The following DCUN1D1 variants were observed in gnomAD, a reference collection of about 807,000 sequenced individuals.
DCUN1D1 encodes DCN1-like protein 1.
Under a neutral mutation model 39.0 loss-of-function variants are expected in DCUN1D1, and 3 were observed. The ratio of observed to expected loss-of-function variants is 0.08; its 90% CI spans 0.04 to 0.20. The LOEUF is 0.20. DCUN1D1 is among the 10% of genes least tolerant of loss of function. DCUN1D1 has a pLI of 1.00. For synonymous variants in DCUN1D1, 82 were observed against 96.3 expected, an observed-to-expected ratio of 0.85 and a Z score of 0.87; for missense variants, 158 against 302.4, an observed-to-expected ratio of 0.52 and a Z score of 3.54.
In DCUN1D1 at chr3:182,941,472, T is replaced by G. The variant is rs749083161; in HGVS notation, c.*3622A>C. 6.6e-6 allele frequency: 1 copy of G among 152,128 alleles called. No homozygotes were observed. Among genetic ancestry groups the G allele is most frequent in the Non-Finnish European group, 1.5e-5 (1 of 67,964 alleles). The allele number at this position is 152,128 out of a possible 1,614,324, so 9.4% of individuals were successfully genotyped here. A position where few individuals can be genotyped will look rare whatever the true frequency, so the allele number is the denominator to read the frequency against. ...TACTCATTTATAATCAATTAAATGA[T>G]GAGTCATAATTTGAACCCTAATTAT... On this transcript the variant is annotated 3_prime_UTR_variant, in exon 7 of 7. Coordinates refer to ENST00000292782, the MANE Select transcript of DCUN1D1 (RefSeq NM_020640.4).
At chr3:182,962,669 C>A (rs1339635190) in intron 3 of DCUN1D1, among the ~76,000 whole-genome samples, 1 of 152,206 alleles carries the variant, frequency 6.6e-6, no homozygotes, top group Non-Finnish European at 1.5e-5. Flanking sequence ...GAGGTGGTAG[C>A]AGCTTACTGC....
chr3:182,978,051 AAAC>A (rs1553845948), intron 1 of DCUN1D1, among the ~76,000 whole-genome samples: 9 of 151,424 alleles, frequency 5.9e-5, no homozygotes, highest in African/African-American at 1.7e-4. Flanking sequence ...AAAAAAAAAA[AAAC>A]AACAACAACA....
At chr3:182,981,224 A>C (rs1728536837), upstream of DCUN1D1, among the ~76,000 whole-genome samples, 1 of 152,000 alleles carries the variant, frequency 6.6e-6, no homozygotes, top group Non-Finnish European at 1.5e-5. Flanking sequence ...GGTGGGGTGC[A>C]CTGAGACCCA....
intron 1 of DCUN1D1, among the ~76,000 whole-genome samples, chr3:182,976,006 A>G (rs894039845): frequency 6.6e-6 from 1 of 152,174 alleles, no homozygotes; most frequent in African/African-American, 2.4e-5. Context: ...AGTTTTCTGC[A>G]TATAGTCACT....
chr3:182,968,605 CTT>C (rs953091292), intron 1 of DCUN1D1, among the ~76,000 whole-genome samples: 3 of 145,706 alleles, frequency 2.1e-5, no homozygotes, highest in Non-Finnish European at 3.0e-5. Context: ...TAAATGTAAA[CTT>C]TTTTTTTTTT....
At chr3:182,972,725 G>A (rs180869814) in intron 1 of DCUN1D1, among the ~76,000 whole-genome samples, 1 of 152,088 alleles carries the variant, frequency 6.6e-6, no homozygotes, top group Admixed American at 6.6e-5. Context: ...AAACAACAGT[G>A]CAACACCCAG....
chr3:182,971,918 A>G (rs1727959243), intron 1 of DCUN1D1, among the ~76,000 whole-genome samples: 1 of 152,204 alleles, frequency 6.6e-6, no homozygotes, highest in Non-Finnish European at 1.5e-5. Flanking sequence ...ACTGTGAGCA[A>G]TATTTCTTCA....
chr3:182,964,790 G>A (rs1300340664), intron 2 of DCUN1D1, among the ~76,000 whole-genome samples: 2 of 151,860 alleles, frequency 1.3e-5, no homozygotes, highest in Non-Finnish European at 2.9e-5. Flanking sequence ...ACAGGCACAC[G>A]CCACCACGCC....
upstream of DCUN1D1, among the ~76,000 whole-genome samples, chr3:182,981,249 G>A (rs1728538764): frequency 6.6e-6 from 1 of 152,146 alleles, no homozygotes; most frequent in African/African-American, 2.4e-5. Context: ...CGGGCTGCGG[G>A]AGTCCAGGTT....
At chr3:182,967,128 C>CTATATATATATATATATATATATA (rs60339329) in intron 1 of DCUN1D1, among the ~76,000 whole-genome samples, 27 of 143,570 alleles carry the variant, frequency 1.9e-4, no homozygotes, top group African/African-American at 6.8e-4. Flanking sequence ...AACAAAAAAA[C>CTATATATATATATATATATATATA]TATATATATA....
chr3:182,952,760 T>C (rs1406992323), intron 4 of DCUN1D1, among the ~76,000 whole-genome samples: 1 of 152,192 alleles, frequency 6.6e-6, no homozygotes, highest in Non-Finnish European at 1.5e-5. Flanking sequence ...TTCCTCATCA[T>C]ACACAACCAA....
Position 182,960,703 on chromosome 3 carries a change from C to A in DCUN1D1, c.520+523G>T, listed in dbSNP as rs187619691. Among the ~76,000 whole-genome samples the A allele has an allele frequency of 1.1e-4, 16 of 152,276 alleles. No individual in the cohort carries two copies. The East Asian group carries it at 2.9e-3, about 27-fold the overall frequency. On this transcript the variant is annotated intron_variant, in intron 4 of 6. Coordinates refer to ENST00000292782, the MANE Select transcript of DCUN1D1 (RefSeq NM_020640.4). ...CATATCCCCTTAACTATCCCAAAAG[C>A]AAATGTACAAATACAAATGGATTGA...
At chr3:182,980,563 C>T (rs569183986), upstream of DCUN1D1, 344 of 1,177,664 alleles carry the variant, frequency 2.9e-4, no homozygotes, top group African/African-American at 5.1e-3. Flanking sequence ...GCGGCGGCTC[C>T]TCTCACGGGC....
At chr3:182,956,192 G>A (rs57158447) in intron 4 of DCUN1D1, 4,636 of 238,812 alleles carry the variant, frequency 0.019, 224 homozygotes, top group African/African-American at 0.099. Flanking sequence ...CCTCCAAAGT[G>A]CTAGGATTAT....
chr3:182,948,812 G>A (rs2108625441), intron 4 of DCUN1D1, among the ~76,000 whole-genome samples: 1 of 152,230 alleles, frequency 6.6e-6, no homozygotes, highest in East Asian at 1.9e-4. Flanking sequence ...CACTTTGGGA[G>A]GTTGAGTCGG....
intron 1 of DCUN1D1, among the ~76,000 whole-genome samples, chr3:182,970,674 C>T (rs989445955): frequency 3.3e-5 from 5 of 152,144 alleles, no homozygotes; most frequent in African/African-American, 4.8e-5. Flanking sequence ...AACACTTTTA[C>T]GATCACCTAT....
At chr3:182,981,825 T>C (rs1032268735), upstream of DCUN1D1, among the ~76,000 whole-genome samples, 2 of 152,230 alleles carry the variant, frequency 1.3e-5, no homozygotes, top group African/African-American at 4.8e-5. Context: ...CCAAGGCAGG[T>C]TTCTGGCGGC....
chr3:182,941,757 C>G lies in DCUN1D1; in HGVS notation c.*3337G>C, dbSNP rs2108615252. On this transcript the variant is annotated 3_prime_UTR_variant, in exon 7 of 7. Coordinates refer to ENST00000292782, the MANE Select transcript of DCUN1D1 (RefSeq NM_020640.4). ...AATTAATTCTTGCTAAAAGTTGATT[C>G]AGTTTTACAAAGGCATACTTTGTGA... 6.6e-6 allele frequency: 1 copy of G among 152,176 alleles called. No individual in the cohort carries two copies. Among genetic ancestry groups the G allele is most frequent in the Non-Finnish European group, 1.5e-5 (1 of 67,940 alleles). The allele number at this position is 152,176 out of a possible 1,614,324, so 9.4% of individuals were successfully genotyped here.
chr3:182,942,568 T>C lies in DCUN1D1; in HGVS notation c.*2526A>G, dbSNP rs956165573. ...TTACATTTTAAAATTTGTACCTGTT[T>C]TGACATTTGGCAAAAAGGAAACTGT... On this transcript the variant is annotated 3_prime_UTR_variant, in exon 7 of 7. Transcript: ENST00000292782. 6.6e-6 allele frequency: 1 copy of C among 151,624 alleles called. No individual in the cohort carries two copies. Among genetic ancestry groups the C allele is most frequent in the Non-Finnish European group, 1.5e-5 (1 of 67,880 alleles). The allele number at this position is 151,624 out of a possible 1,614,324, so 9.4% of individuals were successfully genotyped here. A position where few individuals can be genotyped will look rare whatever the true frequency, so the allele number is the denominator to read the frequency against.
Sources: allele counts gnomAD v4.1 joint callset (sites outside exome capture counted in the v4.1 genomes callset), GRCh38; gene constraint gnomAD v4.1.1; transcripts MANE v1.5; gene names NCBI Gene and HGNC (gene_info 2026-07-23, HGNC 2026-07-21).